Variants in NME3 observed in about 807,000 individuals in gnomAD.
The protein encoded by NME3 is nucleoside diphosphate kinase C.
In NME3, 23 loss-of-function variants were observed where a neutral mutation model predicts 15.8. The ratio of observed to expected loss-of-function variants is 1.45; its 90% CI spans 1.05 to 2.06. NME3 has a LOEUF of 2.06. Ranked by LOEUF, NME3 falls within the 30% of genes most tolerant of loss-of-function variation. The pLI, the probability that NME3 is intolerant of heterozygous loss-of-function variation, is 0.00. For synonymous variants in NME3, 157 were observed against 104.4 expected (o/e 1.50, Z -3.07); for missense variants, 354 against 243.2 (o/e 1.46, Z -3.03).
At position 1,770,326 on chromosome 16, in the gene NME3, T is replaced by C. The variant is rs1322324803; in HGVS notation, c.*323A>G. 3 of 312,456 alleles carry C rather than the reference T, an allele frequency of 9.6e-6. No individual in the cohort carries two copies. Among genetic ancestry groups the C allele is most frequent in the Non-Finnish European group, 1.8e-5 (3 of 170,002 alleles). The allele number at this position is 312,456 out of a possible 1,614,324, so 19.4% of individuals were successfully genotyped here. A position where few individuals can be genotyped will look rare whatever the true frequency, so the allele number is the denominator to read the frequency against. On this transcript the variant is annotated 3_prime_UTR_variant, in exon 5 of 5. Transcript: ENST00000219302. The stretch of plus-strand genomic sequence containing the variant: ...AATGTCTTAACGTCGTAGCTGCCTG[T>C]TCCTGGGCCCAAATCGAAACGAAAA...
rs750843307 is a variant in NME3, at chr16:1,770,714, G to C, written c.445C>G (p.Leu149Val). The C allele has an allele frequency of 1.8e-5, 28 of 1,591,650 alleles. No individual in the cohort carries two copies. The Admixed American group carries it at 4.6e-4, about 26-fold the overall frequency. ...SVESARREIA[L>V]WFRADELLCW... The stretch of plus-strand genomic sequence containing the variant: ...AGGAGCTCGTCTGCGCGGAACCAGA[G>C]AGCGATCTCGCGGCGGGCACTCTCC... Residue 149 changes from leucine to valine, a missense_variant, in exon 5 of 5, where the codon CTC (leucine) becomes GTC (valine). Physicochemically the swap from Leu to Val is conservative, Grantham distance 32 (BLOSUM62 1). Transcript: ENST00000219302.
chr16:1,770,509 T>G lies in NME3; in HGVS notation c.*140A>C, dbSNP rs2042557496. 1 of 637,562 alleles carries G rather than the reference T, an allele frequency of 1.6e-6. No homozygotes were observed. The highest frequency in any genetic ancestry group is 2.2e-5 in the South Asian group (1 of 46,320). 39.5% of individuals were successfully genotyped at this position (637,562 alleles called of 1,614,324 possible). The stretch of plus-strand genomic sequence containing the variant: ...TTGGAGAGGCCTGCGCCACCCTCCA[T>G]GCAACGTCCAGACAGGTGGATGTTC... On this transcript the variant is annotated 3_prime_UTR_variant, in exon 5 of 5. Coordinates refer to ENST00000219302, the MANE Select transcript of NME3 (RefSeq NM_002513.3).
Position 1,770,987 on chromosome 16 carries a change from G to T in NME3, c.286C>A (p.Gln96Lys). 2 of 1,592,352 alleles carry T rather than the reference G, an allele frequency of 1.3e-6. No homozygotes were observed. Among genetic ancestry groups the T allele is most frequent in the Non-Finnish European group, 1.7e-6 (2 of 1,166,416 alleles). Residue 96 changes from glutamine to lysine, a missense_variant, in exon 4 of 5, where the codon CAG (glutamine) becomes AAG (lysine). Gln to Lys is a moderately conservative substitution (Grantham distance 53, BLOSUM62 1). Transcript: ENST00000219302. ...ASGPVVAMVW[Q>K]GLDVVRTSRA... is the part of the protein sequence containing the mutation. ...GAGGTGCGCACCACGTCCAGCCCCT[G>T]CCATACCTGTGCGGAGGAACGGGCG...
In NME3 at chr16:1,770,654, CAT is replaced by C; in HGVS notation, c.503_504del (p.Tyr168Ter). On this transcript the variant is annotated frameshift_variant, in exon 5 of 5. Transcript: ENST00000219302. LOFTEE classifies it high-confidence loss of function. ...TGTGACGCGCATCTGCCGGGCTACTCATACAGCCAGTGCCCAGCGCTGTCCTC... is the reference window on the plus strand; with the variant it reads ...TGTGACGCGCATCTGCCGGGCTACTCACAGCCAGTGCCCAGCGCTGTCCTC... ...CWEDSAGHWL[Y>X]E is the part of the protein sequence containing the mutation. The C allele has an allele frequency of 5.1e-6, 8 of 1,578,884 alleles. No individual in the cohort carries two copies. The highest frequency in any genetic ancestry group is 2.3e-5 in the East Asian group (1 of 43,404).
rs2042546846 is a variant in NME3, at chr16:1,770,330, T to C, written c.*319A>G. ...TCTTAACGTCGTAGCTGCCTGTTCCTGGGCCCAAATCGAAACGAAAACGAG... is the reference window on the plus strand; with the variant it reads ...TCTTAACGTCGTAGCTGCCTGTTCCCGGGCCCAAATCGAAACGAAAACGAG... On this transcript the variant is annotated 3_prime_UTR_variant, in exon 5 of 5. Transcript: ENST00000219302. The C allele has an allele frequency of 6.3e-6, 2 of 319,098 alleles. No homozygotes were observed. Among genetic ancestry groups the C allele is most frequent in the Non-Finnish European group, 1.1e-5 (2 of 174,160 alleles). The allele number at this position is 319,098 out of a possible 1,614,324, so 19.8% of individuals were successfully genotyped here.
chr16:1,771,373 C>T lies in NME3; in HGVS notation c.84G>A (p.Val28=). 1 of 1,572,500 alleles carries T rather than the reference C, an allele frequency of 6.4e-7. No individual in the cohort carries two copies. Among genetic ancestry groups the T allele is most frequent in the Non-Finnish European group, 8.6e-7 (1 of 1,160,514 alleles). Residue 28 remains valine, a synonymous_variant, in exon 2 of 5, where the codon GTG becomes GTA. Coordinates refer to ENST00000219302, the MANE Select transcript of NME3 (RefSeq NM_002513.3). ...TGAHERTFLA[V]KPDGVQRRLV... ...GCCGCCGCTGCACGCCGTCCGGCTT[C>T]ACGGCCAGGAAGGTGCGTTCGTGTG...
At position 1,770,446 on chromosome 16, in the gene NME3, G is replaced by A. The variant is rs1344557822; in HGVS notation, c.*203C>T. On this transcript the variant is annotated 3_prime_UTR_variant, in exon 5 of 5. Transcript: ENST00000219302. ...TCCAGGCGAGCCGCGCAGGCTCCTG[G>A]AGCAGCTCCTCGGGCAGGAAACCCT... The A allele has an allele frequency of 2.1e-5, 10 of 471,270 alleles. No homozygotes were observed. 29.2% of individuals were successfully genotyped at this position (471,270 alleles called of 1,614,324 possible).
At position 1,771,390 on chromosome 16, in the gene NME3, G is replaced by C. The variant is rs752689169; in HGVS notation, c.67C>G (p.Arg23Gly). The C allele has an allele frequency of 2.6e-6, 4 of 1,551,422 alleles. No homozygotes were observed. The South Asian group carries it at 3.6e-5, about 14-fold the overall frequency. ...FPAACTGAHE[R>G]TFLAVKPDGV... ...TCCGGCTTCACGGCCAGGAAGGTGC[G>C]TTCGTGTGCGCCGGTGCAGGCTGCG... Residue 23 changes from arginine to glycine, a missense_variant, in exon 2 of 5, where the codon CGC becomes GGC. Transcript: ENST00000219302.
At position 1,771,508 on chromosome 16, in the gene NME3, G is replaced by T; in HGVS notation, c.27C>A (p.Phe9Leu). 7.7e-7 allele frequency: 1 copy of T among 1,293,550 alleles called. No individual in the cohort carries two copies. The allele number at this position is 1,293,550 out of a possible 1,614,324, so 80.1% of individuals were successfully genotyped here. A position where few individuals can be genotyped will look rare whatever the true frequency, so the allele number is the denominator to read the frequency against. MICLVLTI[F>L]ANLFPAACTG... ...GCTCACCCGCGGGGAAGAGGTTAGC[G>T]AAGATGGTCAGCACCAGGCAGATCA... Residue 9 changes from phenylalanine to leucine, a missense_variant, in exon 1 of 5, where the codon TTC (phenylalanine) becomes TTA (leucine). Transcript: ENST00000219302.
chr16:1,770,448 G>A lies in NME3; in HGVS notation c.*201C>T, dbSNP rs760143773. On this transcript the variant is annotated 3_prime_UTR_variant, in exon 5 of 5. Coordinates refer to ENST00000219302, the MANE Select transcript of NME3 (RefSeq NM_002513.3). ...CAGGCGAGCCGCGCAGGCTCCTGGAGCAGCTCCTCGGGCAGGAAACCCTGT... is the reference window on the plus strand; with the variant it reads ...CAGGCGAGCCGCGCAGGCTCCTGGAACAGCTCCTCGGGCAGGAAACCCTGT... The A allele has an allele frequency of 7.6e-5, 36 of 472,296 alleles. No individual in the cohort carries two copies. The highest frequency in any genetic ancestry group is 1.3e-4 in the Non-Finnish European group (35 of 268,830). 29.3% of individuals were successfully genotyped at this position (472,296 alleles called of 1,614,324 possible).
At position 1,770,772 on chromosome 16, in the gene NME3, C is replaced by T. The variant is rs762291577; in HGVS notation, c.393-6G>A. 7 of 1,599,978 alleles carry T rather than the reference C, an allele frequency of 4.4e-6. No individual in the cohort carries two copies. The highest frequency in any genetic ancestry group is 6.0e-6 in the Non-Finnish European group (7 of 1,173,220). ...CGCTGCCGTGAATCAGGTTCCTGCG[C>T]GGAAGAGGCGCGTGTGAGCGTGGGA... On this transcript the variant is annotated splice_region_variant and splice_polypyrimidine_tract_variant and intron_variant, in intron 4 of 4. Coordinates refer to ENST00000219302, the MANE Select transcript of NME3 (RefSeq NM_002513.3).
Position 1,770,685 on chromosome 16 carries a change from G to T in NME3, c.474C>A (p.Cys158Ter). ...ALWFRADELL[C>*]WEDSAGHWLY... is the part of the protein sequence containing the mutation. Reference sequence around the variant, plus strand: ...GCCAGTGCCCAGCGCTGTCCTCCCAGCAGAGGAGCTCGTCTGCGCGGAACC... The same window carrying T: ...GCCAGTGCCCAGCGCTGTCCTCCCATCAGAGGAGCTCGTCTGCGCGGAACC... The change falls in exon 5 of 5, where the codon TGC (cysteine) becomes TGA (stop). Residue 158 changes from cysteine to a stop codon, truncating the protein, a stop_gained. Transcript: ENST00000219302. LOFTEE classifies it high-confidence loss of function. The T allele has an allele frequency of 6.3e-7, 1 of 1,585,268 alleles. No homozygotes were observed.
In NME3 at chr16:1,770,802, G is replaced by C. The variant is rs748838996; in HGVS notation, c.393-36C>G. ...GAGGCGCGTGTGAGCGTGGGAAAGA[G>C]ACCTCCGGCACGGGTACCACGCAGG... On this transcript the variant is annotated intron_variant, in intron 4 of 4. Coordinates refer to ENST00000219302, the MANE Select transcript of NME3 (RefSeq NM_002513.3). 19 of 1,589,046 alleles carry C rather than the reference G, an allele frequency of 1.2e-5. No individual in the cohort carries two copies. In the South Asian group the frequency reaches 2.0e-4, roughly 17 times the overall value.
In NME3 at chr16:1,771,286, C is replaced by T; in HGVS notation, c.171G>A (p.Leu57=). ...RKGFKLVALK[L]VQASEELLRE... ...TCGCTCACCGCGCCCCCACCTGCAC[C>T]AGCTTCAGCGCCACCAACTTGAAGC... Residue 57 remains leucine, a synonymous_variant, in exon 2 of 5, where the codon CTG becomes CTA. Transcript: ENST00000219302. 1 of 1,603,874 alleles carries T rather than the reference C, an allele frequency of 6.2e-7. No homozygotes were observed. Among genetic ancestry groups the T allele is most frequent in the Non-Finnish European group, 8.5e-7 (1 of 1,177,476 alleles).
At position 1,771,277 on chromosome 16, in the gene NME3, C is replaced by A. The variant is rs1214228161; in HGVS notation, c.177+3G>T. The A allele has an allele frequency of 2.5e-6, 4 of 1,601,276 alleles. No homozygotes were observed. The highest frequency in any genetic ancestry group is 3.4e-6 in the Non-Finnish European group (4 of 1,176,798). ...CGCCCCCGCTCGCTCACCGCGCCCC[C>A]ACCTGCACCAGCTTCAGCGCCACCA... On this transcript the variant is annotated splice_donor_region_variant and intron_variant, in intron 2 of 4. Coordinates refer to ENST00000219302, the MANE Select transcript of NME3 (RefSeq NM_002513.3).
rs199883773 is a variant in NME3, at chr16:1,770,671, G to C, written c.488C>G (p.Ala163Gly). The C allele has an allele frequency of 1.1e-5, 18 of 1,584,004 alleles. No individual in the cohort carries two copies. The East Asian group carries it at 3.7e-4, about 32-fold the overall frequency. Reference sequence around the variant, plus strand: ...GGGCTACTCATACAGCCAGTGCCCAGCGCTGTCCTCCCAGCAGAGGAGCTC... The same window carrying C: ...GGGCTACTCATACAGCCAGTGCCCACCGCTGTCCTCCCAGCAGAGGAGCTC... ...ADELLCWEDS[A>G]GHWLYE Residue 163 changes from alanine to glycine, a missense_variant, in exon 5 of 5, where the codon GCT (alanine) becomes GGT (glycine). Transcript: ENST00000219302.
rs768987690 is a variant in NME3 at position 1,770,834 on chromosome 16, AGGG to A, written c.392+44_392+46del. The A allele has an allele frequency of 3.9e-5, 62 of 1,573,148 alleles. No individual in the cohort carries two copies. In the African/African-American group the frequency reaches 8.3e-4, roughly 21 times the overall value. ...GGCACGGGTACCACGCAGGCTGAAC[AGGG>A]GGAGGCCGGACGGGGCTGGGACCGT... On this transcript the variant is annotated intron_variant, in intron 4 of 4. Coordinates refer to ENST00000219302, the MANE Select transcript of NME3 (RefSeq NM_002513.3).
Position 1,770,676 on chromosome 16 carries a change from G to C in NME3, c.483C>G (p.Asp161Glu). 1 of 1,584,400 alleles carries C rather than the reference G, an allele frequency of 6.3e-7. No homozygotes were observed. Among genetic ancestry groups the C allele is most frequent in the Non-Finnish European group, 8.6e-7 (1 of 1,166,140 alleles). ...FRADELLCWE[D>E]SAGHWLYE The stretch of plus-strand genomic sequence containing the variant: ...ACTCATACAGCCAGTGCCCAGCGCT[G>C]TCCTCCCAGCAGAGGAGCTCGTCTG... The change falls in exon 5 of 5, where the codon GAC (aspartate) becomes GAG (glutamate). Residue 161 changes from aspartate to glutamate, a missense_variant. By Grantham distance (45) the Asp-to-Glu change is conservative. Transcript: ENST00000219302.
rs781570312 is a variant in NME3 at position 1,770,922 on chromosome 16, C to A, written c.351G>T (p.Pro117=). ...LIGATNPADA[P]PGTIRGDFCI... ...AGAAATCCCCGCGGATGGTGCCGGG[C>A]GGGGCGTCGGCCGGGTTCGTGGCTC... Residue 117 remains proline (P), a synonymous_variant, in exon 4 of 5, where the codon CCG becomes CCT. Transcript: ENST00000219302. 1 of 1,587,670 alleles carries A rather than the reference C, an allele frequency of 6.3e-7. No individual in the cohort carries two copies. The highest frequency in any genetic ancestry group is 8.6e-7 in the Non-Finnish European group (1 of 1,163,536).
Sources: allele counts gnomAD v4.1 joint callset, GRCh38; gene constraint gnomAD v4.1.1; transcripts MANE v1.5; gene names NCBI Gene and HGNC (gene_info 2026-07-23, HGNC 2026-07-21).